The following RAB6A variants were observed in gnomAD, a reference collection of about 807,000 sequenced individuals.
RAB6A encodes RAB6A, member RAS oncogene family.
In RAB6A, 8 loss-of-function variants were observed where a neutral mutation model predicts 32.3. That is an observed-to-expected ratio of 0.25 (90% CI 0.15 to 0.45). The LOEUF (loss-of-function observed/expected upper bound fraction) is 0.45, where lower values mean the gene tolerates loss of function less well. RAB6A is among the 20% of genes least tolerant of loss of function. The pLI, the probability that RAB6A is intolerant of heterozygous loss-of-function variation, is 1.00. For missense variants in RAB6A, 104 were observed against 249.4 expected, an observed-to-expected ratio of 0.42 and a Z score of 3.93; for synonymous variants, 73 against 82.1, an observed-to-expected ratio of 0.89 and a Z score of 0.60.
At chr11:73,694,024 C>G (rs1283815259) in intron 6 of RAB6A, among the ~76,000 whole-genome samples, 1 of 152,054 alleles carries the variant, frequency 6.6e-6, no homozygotes, top group African/African-American at 2.4e-5. Flanking sequence ...TTCTCAATAC[C>G]TATGCGGTAT....
intron 6 of RAB6A, among the ~76,000 whole-genome samples, chr11:73,687,636 A>AGTT (rs1267938832): frequency 6.6e-6 from 1 of 152,210 alleles, no homozygotes; most frequent in Non-Finnish European, 1.5e-5. Flanking sequence ...TGGGCGGATC[A>AGTT]CCTGAGGTTA....
intron 2 of RAB6A, among the ~76,000 whole-genome samples, chr11:73,728,610 A>AAATAATAATAAT (rs71065031): frequency 0.27 from 36,266 of 136,192 alleles, 5,235 homozygotes; most frequent in South Asian, 0.34. Flanking sequence ...GTCTTTGTTT[A>AAATAATAATAAT]AATAATAATA....
intron 6 of RAB6A, among the ~76,000 whole-genome samples, chr11:73,694,796 T>C (rs759890634): frequency 8.5e-5 from 13 of 152,176 alleles, no homozygotes; most frequent in Admixed American, 5.9e-4. Context: ...GGCAGATCAC[T>C]TGAGGCCTGG....
intron 5 of RAB6A, among the ~76,000 whole-genome samples, chr11:73,711,109 C>T (rs565226863): frequency 6.6e-6 from 1 of 152,236 alleles, no homozygotes; most frequent in South Asian, 2.1e-4. Context: ...GAAGCAGTGG[C>T]TTCCCTTCAA....
intron 4 of RAB6A, among the ~76,000 whole-genome samples, chr11:73,716,690 A>G (rs145097801): frequency 5.1e-4 from 78 of 152,350 alleles, no homozygotes; most frequent in African/African-American, 1.9e-3. Context: ...ATATGGTGTC[A>G]CATTGCCACA....
intron 6 of RAB6A, among the ~76,000 whole-genome samples, chr11:73,683,730 T>C (rs1246145025): frequency 6.6e-6 from 1 of 152,028 alleles, no homozygotes; most frequent in Non-Finnish European, 1.5e-5. Flanking sequence ...TTCTTGTATT[T>C]TTAGTAGAGA....
At chr11:73,727,544 T>G (rs1308187991) in intron 2 of RAB6A, among the ~76,000 whole-genome samples, 1 of 152,260 alleles carries the variant, frequency 6.6e-6, no homozygotes, top group Non-Finnish European at 1.5e-5. Context: ...ATTTAATAAT[T>G]GATCCAAACC....
At chr11:73,711,444 C>T (rs376524361) in intron 5 of RAB6A, among the ~76,000 whole-genome samples, 54 of 152,230 alleles carry the variant, frequency 3.5e-4, no homozygotes, top group African/African-American at 1.3e-3. Context: ...TTCTTCATTC[C>T]TTTTTGTACC....
chr11:73,704,995 C>T (rs956209600), intron 6 of RAB6A, among the ~76,000 whole-genome samples: 10 of 151,244 alleles, frequency 6.6e-5, no homozygotes, highest in African/African-American at 2.0e-4. Context: ...GACTCCATCT[C>T]GAAAATAAAT....
rs566122206 is a variant in RAB6A, at chr11:73,679,804, G to C, written c.496-84C>G. On this transcript the variant is annotated intron_variant, in intron 6 of 7. Coordinates refer to ENST00000336083, the MANE Select transcript of RAB6A (RefSeq NM_198896.2). ...GTTTATGATCACTGTACAGTGAGCT[G>C]TCTAATGCTGGGCGCAGTGGCTCAC... 1.5e-5 allele frequency: 24 copies of C among 1,555,748 alleles called. No homozygotes were observed. The African/African-American group carries it at 2.7e-4, about 18-fold the overall frequency.
intron 6 of RAB6A, among the ~76,000 whole-genome samples, chr11:73,698,524 G>C (rs1272239024): frequency 1.4e-4 from 21 of 152,112 alleles, no homozygotes; most frequent in Admixed American, 1.0e-3. Context: ...ATAGTATTTA[G>C]GCAATTCTAG....
intron 1 of RAB6A, among the ~76,000 whole-genome samples, chr11:73,745,997 CA>C (rs971804947): frequency 4.1e-4 from 57 of 138,016 alleles, no homozygotes; most frequent in Admixed American, 2.9e-4. Context: ...GACTCCATCT[CA>C]AAAAAAAAAA....
chr11:73,720,069 T>A (rs1021283370), intron 3 of RAB6A, among the ~76,000 whole-genome samples: 5 of 151,972 alleles, frequency 3.3e-5, no homozygotes, highest in African/African-American at 1.2e-4. Context: ...ACTGTTTAGG[T>A]GACAAGTATC....
Position 73,729,191 on chromosome 11 carries a change from T to C in RAB6A, c.129+1574A>G, listed in dbSNP as rs748878305. On this transcript the variant is annotated intron_variant, in intron 2 of 7. Transcript: ENST00000336083. ...TCAGCTCATTGCAACCTCCGCCTCC[T>C]GGGTTCAAGCGATTCTCCTGGCTCA... Among the ~76,000 whole-genome samples the C allele has an allele frequency of 2.9e-4, 44 of 152,142 alleles. 1 individual carries two copies. The highest frequency in any genetic ancestry group is 4.4e-5 in the Non-Finnish European group (3 of 68,016).
At chr11:73,751,012 C>G (rs1038574889) in intron 1 of RAB6A, among the ~76,000 whole-genome samples, 4 of 151,980 alleles carry the variant, frequency 2.6e-5, no homozygotes, top group Non-Finnish European at 5.9e-5. Context: ...ACTATGTTGC[C>G]CAGGCTGGTC....
At position 73,701,960 on chromosome 11, in the gene RAB6A, C is replaced by T. The variant is rs182995221; in HGVS notation, c.495+5460G>A. Among the ~76,000 whole-genome samples the T allele has an allele frequency of 3.8e-3, 583 of 152,228 alleles. 4 individuals carry two copies. The highest frequency in any genetic ancestry group is 6.5e-3 in the Non-Finnish European group (439 of 67,994). On this transcript the variant is annotated intron_variant, in intron 6 of 7. Transcript: ENST00000336083. ...CACACACAGCCCACGAGGGACAGTT[C>T]TTTACATACAAAAAGTCAACAGATA...
chr11:73,758,800 T>A (rs1946798449), intron 1 of RAB6A, among the ~76,000 whole-genome samples: 1 of 152,170 alleles, frequency 6.6e-6, no homozygotes, highest in African/African-American at 2.4e-5. Context: ...TTTTTATCAA[T>A]AATAACCAAT....
intron 6 of RAB6A, among the ~76,000 whole-genome samples, chr11:73,686,486 G>A (rs1021439536): frequency 6.6e-5 from 10 of 152,156 alleles, no homozygotes; most frequent in African/African-American, 1.9e-4. Context: ...CCCGGGAGGC[G>A]GGGGTTGCAG....
intron 1 of RAB6A, among the ~76,000 whole-genome samples, chr11:73,739,278 A>AT (rs1448381477): frequency 3.9e-3 from 74 of 18,792 alleles, no homozygotes; most frequent in Non-Finnish European, 7.1e-3. Context: ...AAAAAAAAAA[A>AT]AAAAAAATAT....
Sources: allele counts gnomAD v4.1 joint callset (sites outside exome capture counted in the v4.1 genomes callset), GRCh38; gene constraint gnomAD v4.1.1; transcripts MANE v1.5; gene names NCBI Gene and HGNC (gene_info 2026-07-23, HGNC 2026-07-21).